Variants in WDR37 observed in about 807,000 individuals in gnomAD.
WDR37 encodes WD repeat domain 37.
Under a neutral mutation model 62.9 loss-of-function variants are expected in WDR37, and 19 were observed. The ratio of observed to expected loss-of-function variants is 0.30; its 90% CI spans 0.21 to 0.44. The LOEUF (loss-of-function observed/expected upper bound fraction) is 0.44, where lower values mean the gene tolerates loss of function less well. WDR37 is among the 20% of genes least tolerant of loss of function. WDR37 has a pLI of 1.00. For synonymous variants in WDR37, 250 were observed against 260.9 expected (o/e 0.96, Z 0.40); for missense variants, 474 against 657.6 (o/e 0.72, Z 3.05).
intron 11 of WDR37, among the ~76,000 whole-genome samples, chr10:1,113,419 A>G (rs760573050): frequency 1.2e-4 from 18 of 152,226 alleles, no homozygotes; most frequent in South Asian, 1.0e-3. Flanking sequence ...TCTGCAGCCC[A>G]TGGTTCAAGG....
At chr10:1,119,699 C>T (rs553889386) in intron 11 of WDR37, among the ~76,000 whole-genome samples, 22 of 152,336 alleles carry the variant, frequency 1.4e-4, no homozygotes, top group African/African-American at 4.6e-4. Context: ...TTGCCCCCTT[C>T]GCTGGGAGGA....
chr10:1,096,964 C>T (rs1834604333), intron 9 of WDR37, among the ~76,000 whole-genome samples: 1 of 152,164 alleles, frequency 6.6e-6, no homozygotes, highest in Admixed American at 6.6e-5. Flanking sequence ...GAAGGCCTTT[C>T]TGCTGAGGCT....
Position 1,072,126 on chromosome 10 carries a change from G to T in WDR37, c.-30G>T, listed in dbSNP as rs1210376809. 6.2e-7 allele frequency: 1 copy of T among 1,611,754 alleles called. No homozygotes were observed. The highest frequency in any genetic ancestry group is 1.7e-5 in the Admixed American group (1 of 59,572). ...TCTTGCTGTTTTTAGCTTATTGCAG[G>T]AGTGACCAGGACACTACCTCCTAGA... is the stretch of plus-strand genomic sequence containing the variant. On this transcript the variant is annotated 5_prime_UTR_variant, in exon 2 of 14. Coordinates refer to ENST00000263150, the MANE Select transcript of WDR37 (RefSeq NM_014023.4).
At chr10:1,062,865 A>G (rs1833416162) in intron 1 of WDR37, among the ~76,000 whole-genome samples, 1 of 152,204 alleles carries the variant, frequency 6.6e-6, no homozygotes, top group African/African-American at 2.4e-5. Context: ...AGGCGGGCAG[A>G]TCACAAGGTC....
chr10:1,060,109 G>A (rs1173968561), intron 1 of WDR37, among the ~76,000 whole-genome samples: 2 of 152,254 alleles, frequency 1.3e-5, no homozygotes, highest in Non-Finnish European at 2.9e-5. Flanking sequence ...AAAAGGCTGG[G>A]ATTACGGGCA....
Position 1,071,033 on chromosome 10 carries a change from C to T in WDR37, c.-40-1083C>T, listed in dbSNP as rs11250248. 3.5e-3 allele frequency among the ~76,000 whole-genome samples: 528 copies of T among 152,314 alleles called. 6 individuals are homozygous for T. The highest frequency in any genetic ancestry group is 0.012 in the African/African-American group (483 of 41,560). On this transcript the variant is annotated intron_variant, in intron 1 of 13. Transcript: ENST00000263150. ...CTTGAGGCTCAGGCTATTGCTGTTGCGTAAGTCACCATTGTAACTGTCTAC... is the reference window on the plus strand; with the variant it reads ...CTTGAGGCTCAGGCTATTGCTGTTGTGTAAGTCACCATTGTAACTGTCTAC...
chr10:1,115,211 A>G (rs1480490018), intron 11 of WDR37, among the ~76,000 whole-genome samples: 1 of 152,198 alleles, frequency 6.6e-6, no homozygotes, highest in Non-Finnish European at 1.5e-5. Flanking sequence ...CTCAACATGG[A>G]TGCAATATTT....
At chr10:1,091,947 G>A (rs1344317851) in intron 7 of WDR37, among the ~76,000 whole-genome samples, 3 of 152,064 alleles carry the variant, frequency 2.0e-5, no homozygotes, top group Admixed American at 6.5e-5. Context: ...TTGGGAGGCC[G>A]AGACGGGCGG....
intron 13 of WDR37, among the ~76,000 whole-genome samples, chr10:1,127,343 T>C (rs1211008422): frequency 1.3e-5 from 2 of 152,252 alleles, no homozygotes; most frequent in Non-Finnish European, 2.9e-5. Context: ...TAAAGTGGTA[T>C]GTGAAATAGA....
intron 1 of WDR37, among the ~76,000 whole-genome samples, chr10:1,058,883 A>T (rs1431537015): frequency 6.6e-6 from 1 of 152,212 alleles, no homozygotes; most frequent in East Asian, 1.9e-4. Flanking sequence ...TGCAATTTTC[A>T]ATTTATTTCT....
intron 2 of WDR37, 58 bp from the exon 3 acceptor site, chr10:1,077,849 A>G: frequency 1.5e-6 from 2 of 1,294,466 alleles, no homozygotes; most frequent in South Asian, 1.3e-5. Flanking sequence ...GAAAAAGCAT[A>G]TTTGTACTTA....
chr10:1,099,014 A>G (rs796162607), intron 9 of WDR37, among the ~76,000 whole-genome samples: 30 of 152,338 alleles, frequency 2.0e-4, no homozygotes, highest in African/African-American at 6.7e-4. Context: ...TTATCATCAC[A>G]TCAACTAATG....
chr10:1,126,649 A>G lies in WDR37; in HGVS notation c.1353+1625A>G, dbSNP rs1000752421. Among the ~76,000 whole-genome samples the G allele has an allele frequency of 3.9e-5, 6 of 152,322 alleles. No homozygotes were observed. The East Asian group carries it at 1.2e-3, about 29-fold the overall frequency. ...CTCTGTGGCTCCTTCTGTGGACACC[A>G]GCTCATGGCTCGTGGGCCGCAGCTG... On this transcript the variant is annotated intron_variant, in intron 13 of 13. Coordinates refer to ENST00000263150, the MANE Select transcript of WDR37 (RefSeq NM_014023.4).
In WDR37 at chr10:1,080,479, A is replaced by G; in HGVS notation, c.396+3A>G. On this transcript the variant is annotated splice_donor_region_variant and intron_variant, in intron 5 of 13. Coordinates refer to ENST00000263150, the MANE Select transcript of WDR37 (RefSeq NM_014023.4). ...CTTACAAGGCTTCCACCAGCAAGGT[A>G]TGCAGGCCACTGGCTCTTGAGCCAT... 1 of 1,614,194 alleles carries G rather than the reference A, an allele frequency of 6.2e-7. No individual in the cohort carries two copies. The highest frequency in any genetic ancestry group is 8.5e-7 in the Non-Finnish European group (1 of 1,180,024).
rs539984887 is a variant in WDR37, at chr10:1,079,344, A to G, written c.236-667A>G. 4.6e-5 allele frequency among the ~76,000 whole-genome samples: 7 copies of G among 151,954 alleles called. No homozygotes were observed. In the East Asian group the frequency reaches 1.2e-3, roughly 25 times the overall value. ...AAGTGATCTGCCTGCCTCGGCCTCC[A>G]AAATTGTTGGGATTACAGGCATGAG... is the stretch of plus-strand genomic sequence containing the variant. On this transcript the variant is annotated intron_variant, in intron 3 of 13. Coordinates refer to ENST00000263150, the MANE Select transcript of WDR37 (RefSeq NM_014023.4).
chr10:1,088,031 C>T (rs185604099), intron 7 of WDR37, among the ~76,000 whole-genome samples: 77 of 152,292 alleles, frequency 5.1e-4, no homozygotes, highest in African/African-American at 9.9e-4. Flanking sequence ...GTTGTGGAGA[C>T]GGTGTCTTAA....
intron 2 of WDR37, among the ~76,000 whole-genome samples, chr10:1,074,014 C>T (rs911479424): frequency 2.6e-5 from 4 of 152,214 alleles, no homozygotes; most frequent in African/African-American, 4.8e-5. Flanking sequence ...GTATCTGTAT[C>T]TGCTGTCTGA....
At chr10:1,087,934 A>G (rs1281856343) in intron 7 of WDR37, among the ~76,000 whole-genome samples, 1 of 152,234 alleles carries the variant, frequency 6.6e-6, no homozygotes, top group Non-Finnish European at 1.5e-5. Context: ...TAGAGTAACC[A>G]TCTTCACCAA....
intron 3 of WDR37, among the ~76,000 whole-genome samples, chr10:1,079,371 T>A (rs1833962052): frequency 6.6e-6 from 1 of 150,672 alleles, no homozygotes; most frequent in East Asian, 1.9e-4. Context: ...AGGCATGAGA[T>A]ACTGTGCCCA....
Sources: allele counts gnomAD v4.1 joint callset (sites outside exome capture counted in the v4.1 genomes callset), GRCh38; gene constraint gnomAD v4.1.1; transcripts MANE v1.5; gene names NCBI Gene and HGNC (gene_info 2026-07-23, HGNC 2026-07-21).